ARHGAP8: variants seen among roughly 807,000 people sequenced by gnomAD.
The protein encoded by ARHGAP8 is Rho GTPase activating protein 8.
In ARHGAP8, 62 loss-of-function variants were observed where a neutral mutation model predicts 46.1. The ratio of observed to expected loss-of-function variants is 1.34; its 90% CI spans 1.10 to 1.66. The LOEUF is 1.66. Ranked by LOEUF, ARHGAP8 falls within the 40% of genes most tolerant of loss-of-function variation. ARHGAP8 has a pLI of 0.00. For synonymous variants in ARHGAP8, 375 were observed against 243.1 expected, an observed-to-expected ratio of 1.54 and a Z score of -5.05; for missense variants, 923 against 568.4, an observed-to-expected ratio of 1.62 and a Z score of -6.34.
At chr22:44,853,490 C>T (rs879358579) in intron 10 of ARHGAP8, among the ~76,000 whole-genome samples, 9 of 152,118 alleles carry the variant, frequency 5.9e-5, no homozygotes, top group African/African-American at 1.7e-4. Flanking sequence ...ACTGAGAACC[C>T]GCAAGCGTGC....
intron 4 of ARHGAP8, among the ~76,000 whole-genome samples, chr22:44,812,844 C>T (rs1255776753): frequency 6.6e-6 from 1 of 152,126 alleles, no homozygotes; most frequent in Non-Finnish European, 1.5e-5. Context: ...GCTTTTTCTT[C>T]TCCTCACTTA....
chr22:44,822,361 G>C lies in ARHGAP8; in HGVS notation c.387-10G>C. ...AATCGTTCTTTATTCTCTTGCTTCT[G>C]CTTTCTTAGTCACAAGTTTGGGAAG... On this transcript the variant is annotated splice_polypyrimidine_tract_variant and intron_variant, in intron 5 of 11. Coordinates refer to ENST00000356099, the MANE Select transcript of ARHGAP8 (RefSeq NM_181335.3). The C allele has an allele frequency of 3.8e-6, 6 of 1,578,854 alleles. No individual in the cohort carries two copies. Among genetic ancestry groups the C allele is most frequent in the Middle Eastern group, 3.3e-4 (2 of 5,982 alleles).
intron 7 of ARHGAP8, among the ~76,000 whole-genome samples, chr22:44,838,067 G>T (rs572932140): frequency 6.6e-6 from 1 of 152,044 alleles, no homozygotes; most frequent in Non-Finnish European, 1.5e-5. Flanking sequence ...TCCACCTCCC[G>T]GGTTCAAATG....
chr22:44,856,712 C>A (rs1369552130), intron 10 of ARHGAP8, among the ~76,000 whole-genome samples: 1 of 144,258 alleles, frequency 6.9e-6, no homozygotes, highest in Non-Finnish European at 1.5e-5. Context: ...CTCTTCACAA[C>A]AAAGGACCCA....
At chr22:44,860,145 G>C (rs908155389) in intron 11 of ARHGAP8, among the ~76,000 whole-genome samples, 2 of 152,126 alleles carry the variant, frequency 1.3e-5, no homozygotes, top group Admixed American at 6.5e-5. Flanking sequence ...CTTGGGCTGA[G>C]TCTCTAGGAG....
At chr22:44,856,271 T>C (rs2070221402) in intron 10 of ARHGAP8, among the ~76,000 whole-genome samples, 1 of 59,980 alleles carries the variant, frequency 1.7e-5, no homozygotes. Flanking sequence ...TTTTTTTTTT[T>C]TTTTTTTTTT....
At chr22:44,815,784 T>A (rs1224148667) in intron 5 of ARHGAP8, among the ~76,000 whole-genome samples, 1 of 151,972 alleles carries the variant, frequency 6.6e-6, no homozygotes, top group Non-Finnish European at 1.5e-5. Context: ...CGCATGGGCA[T>A]CTTGTATTTT....
At chr22:44,807,607 G>C (rs1045747332) in intron 3 of ARHGAP8, among the ~76,000 whole-genome samples, 2 of 152,202 alleles carry the variant, frequency 1.3e-5, no homozygotes, top group African/African-American at 2.4e-5. Flanking sequence ...TCAAATCCCA[G>C]CTCATCCTCC....
At chr22:44,788,550 TGCCTG>T (rs1266084435) in intron 2 of ARHGAP8, among the ~76,000 whole-genome samples, 1 of 151,458 alleles carries the variant, frequency 6.6e-6, no homozygotes, top group Non-Finnish European at 1.5e-5. Flanking sequence ...TATACCACCA[TGCCTG>T]GCTAATTTTT....
chr22:44,797,217 CTTTT>C (rs370851544), intron 2 of ARHGAP8, among the ~76,000 whole-genome samples: 1 of 128,002 alleles, frequency 7.8e-6, no homozygotes. Context: ...TGCTACTTGG[CTTTT>C]TTTTTTTTTT....
chr22:44,817,241 C>G (rs1312437039), intron 5 of ARHGAP8, among the ~76,000 whole-genome samples: 3 of 152,186 alleles, frequency 2.0e-5, no homozygotes, highest in Admixed American at 1.3e-4. Context: ...TCGTGTGGTC[C>G]TGAGGCACAC....
At chr22:44,851,400 T>TTTATTTAC (rs1450199835) in intron 10 of ARHGAP8, among the ~76,000 whole-genome samples, 15 of 151,580 alleles carry the variant, frequency 9.9e-5, no homozygotes, top group Admixed American at 5.9e-4. Flanking sequence ...TAAATATTTA[T>TTTATTTAC]TTATTTATTT....
At chr22:44,841,586 G>A (rs901760084) in intron 7 of ARHGAP8, among the ~76,000 whole-genome samples, 2 of 152,174 alleles carry the variant, frequency 1.3e-5, no homozygotes, top group Non-Finnish European at 2.9e-5. Context: ...GTCAGCTTTT[G>A]CTAATTATGC....
rs188135329 is a variant in ARHGAP8 at position 44,833,578 on chromosome 22, T to C, written c.596+7985T>C. Among the ~76,000 whole-genome samples, 20 of 152,324 alleles carry C rather than the reference T, an allele frequency of 1.3e-4. No individual in the cohort carries two copies. The East Asian group carries it at 3.7e-3, about 28-fold the overall frequency. On this transcript the variant is annotated intron_variant, in intron 7 of 11. Transcript: ENST00000356099. ...TGCTGGATTTGCTTTGCTTGTATTT[T>C]GTTGAGGATTTTGTATTTATATTTA...
intron 10 of ARHGAP8, among the ~76,000 whole-genome samples, chr22:44,852,215 A>AGG (rs2070113584): frequency 7.1e-6 from 1 of 140,394 alleles, no homozygotes; most frequent in African/African-American, 2.5e-5. Context: ...AAAAAAAAAA[A>AGG]AAGGAAGGGA....
chr22:44,762,543 CTT>C (rs11293128), intron 1 of ARHGAP8, among the ~76,000 whole-genome samples: 3,142 of 120,224 alleles, frequency 0.026, 48 homozygotes, highest in East Asian at 0.087. Flanking sequence ...CTCTCTCTCT[CTT>C]TTTTTTTTTT....
In ARHGAP8 at chr22:44,802,127, C is replaced by T; in HGVS notation, c.130C>T (p.Pro44Ser). The change falls in exon 3 of 12, where the codon CCA becomes TCA. Residue 44 changes from proline (P) to serine (S), a missense_variant. Transcript: ENST00000356099. ...TGTCACGTTCAGCTGCTGCCGGATG[C>T]CACCCTCCCACGAGCTGGACCACCA... ...RVVTFSCCRM[P>S]PSHELDHQRL... The T allele has an allele frequency of 6.2e-7, 1 of 1,614,142 alleles. No homozygotes were observed.
intron 10 of ARHGAP8, among the ~76,000 whole-genome samples, chr22:44,854,024 C>CAAAAAAAAAAAA (rs71315119): frequency 1.4e-4 from 6 of 43,304 alleles, no homozygotes; most frequent in Non-Finnish European, 2.0e-4. Flanking sequence ...GACTCTGTCT[C>CAAAAAAAAAAAA]AAAAAAAAAA....
At chr22:44,853,783 T>G (rs772728677) in intron 10 of ARHGAP8, among the ~76,000 whole-genome samples, 72 of 152,102 alleles carry the variant, frequency 4.7e-4, no homozygotes, top group Non-Finnish European at 1.6e-4. Context: ...ATCCTAGCAC[T>G]TTGGGAGACC....
Sources: gnomAD v4.1 joint callset for allele counts (sites outside exome capture counted in the v4.1 genomes callset) on GRCh38, gnomAD v4.1.1 for gene constraint, MANE v1.5 for transcripts, NCBI Gene and HGNC (gene_info 2026-07-23, HGNC 2026-07-21) for gene names.